PTPRT: variants seen among roughly 807,000 people sequenced by gnomAD.
PTPRT encodes the protein receptor-type tyrosine-protein phosphatase T.
In PTPRT, 56 loss-of-function variants were observed where a neutral mutation model predicts 176.8. The ratio of observed to expected loss-of-function variants is 0.32; its 90% CI spans 0.26 to 0.40. The LOEUF is 0.40. Among genes scored for constraint, PTPRT ranks in the 10% least tolerant of loss-of-function variants. PTPRT has a pLI of 1.00. For missense variants in PTPRT, 1,540 were observed against 1,908.2 expected, an observed-to-expected ratio of 0.81 and a Z score of 3.60; for synonymous variants, 783 against 739.0, an observed-to-expected ratio of 1.06 and a Z score of -0.96.
chr20:42,964,679 GAATT>G (rs1287810172), intron 1 of PTPRT, among the ~76,000 whole-genome samples: 2 of 151,966 alleles, frequency 1.3e-5, no homozygotes, highest in East Asian at 3.9e-4. Context: ...TCCCTACATG[GAATT>G]AATTATTTTT....
chr20:42,240,719 C>CCATG (rs1289491873), intron 14 of PTPRT, among the ~76,000 whole-genome samples: 17 of 26,146 alleles, frequency 6.5e-4, no homozygotes, highest in African/African-American at 3.5e-3. Context: ...TCCATCCATC[C>CCATG]CATCCATCCA....
intron 1 of PTPRT, among the ~76,000 whole-genome samples, chr20:43,165,228 G>A (rs533560006): frequency 1.3e-5 from 2 of 150,310 alleles, no homozygotes; most frequent in African/African-American, 2.5e-5. Flanking sequence ...GCGCAATGTC[G>A]GCTCACTGCA....
intron 6 of PTPRT, among the ~76,000 whole-genome samples, chr20:42,699,977 C>T (rs2075950101): frequency 6.6e-6 from 1 of 152,134 alleles, no homozygotes; most frequent in African/African-American, 2.4e-5. Flanking sequence ...CGCTTTCCTA[C>T]CTACCCATCT....
At chr20:42,832,801 T>TTAA (rs1555923448) in intron 2 of PTPRT, among the ~76,000 whole-genome samples, 1 of 107,340 alleles carries the variant, frequency 9.3e-6, no homozygotes, top group East Asian at 2.8e-4. Flanking sequence ...TAGGATTTGT[T>TTAA]AAAAAAAAAA....
At chr20:42,916,209 G>T (rs1261268169) in intron 1 of PTPRT, among the ~76,000 whole-genome samples, 1 of 143,952 alleles carries the variant, frequency 6.9e-6, no homozygotes, top group Non-Finnish European at 1.5e-5. Context: ...GTGAGAACAT[G>T]CAGTGTTTGG....
Position 43,033,446 on chromosome 20 carries a change from T to A in PTPRT, c.89-147514A>T, listed in dbSNP as rs73907456. Among the ~76,000 whole-genome samples the A allele has an allele frequency of 4.2e-4, 64 of 152,050 alleles. No homozygotes were observed. In the East Asian group the frequency reaches 0.011, roughly 27 times the overall value. ...CACCAGGACCCATAAGTGAAGGCAT[T>A]TGGGAGCTCACACCTTCAGAAGCTG... On this transcript the variant is annotated intron_variant, in intron 1 of 30. Transcript: ENST00000373187.
intron 6 of PTPRT, among the ~76,000 whole-genome samples, chr20:42,736,533 G>C (rs2076542598): frequency 6.6e-6 from 1 of 152,232 alleles, no homozygotes; most frequent in Non-Finnish European, 1.5e-5. Flanking sequence ...TGTCCTCGTG[G>C]AACCCATAAC....
chr20:42,330,024 C>T (rs937196602), intron 11 of PTPRT, among the ~76,000 whole-genome samples: 1 of 152,170 alleles, frequency 6.6e-6, no homozygotes, highest in South Asian at 2.1e-4. Flanking sequence ...GCCTAATACT[C>T]TCTACCCAGC....
intron 23 of PTPRT, among the ~76,000 whole-genome samples, chr20:42,109,038 T>C (rs975634194): frequency 6.6e-6 from 1 of 152,088 alleles, no homozygotes; most frequent in African/African-American, 2.4e-5. Context: ...TGCTATGAGA[T>C]ATAAAGCAAA....
At chr20:42,856,067 G>A (rs1014716033) in intron 2 of PTPRT, among the ~76,000 whole-genome samples, 6 of 152,162 alleles carry the variant, frequency 3.9e-5, no homozygotes, top group Non-Finnish European at 8.8e-5. Flanking sequence ...TTTGAAACAG[G>A]TGAGCAAACT....
intron 7 of PTPRT, among the ~76,000 whole-genome samples, chr20:42,659,805 TA>T (rs1247859779): frequency 2.0e-5 from 3 of 152,120 alleles, no homozygotes; most frequent in South Asian, 4.2e-4. Context: ...AACCTTCAAA[TA>T]AAAAAAATTC....
chr20:42,786,226 T>C (rs1363352865), intron 3 of PTPRT, among the ~76,000 whole-genome samples: 1 of 152,154 alleles, frequency 6.6e-6, no homozygotes, highest in Non-Finnish European at 1.5e-5. Context: ...TCTTGGGAAG[T>C]TCTTTATAGC....
intron 6 of PTPRT, among the ~76,000 whole-genome samples, chr20:42,747,383 T>C (rs1468792584): frequency 1.3e-5 from 2 of 152,192 alleles, no homozygotes; most frequent in Non-Finnish European, 2.9e-5. Context: ...AAATAAGGCT[T>C]ACAAAGCTTC....
At chr20:43,163,575 T>G (rs962405293) in intron 1 of PTPRT, among the ~76,000 whole-genome samples, 2 of 151,968 alleles carry the variant, frequency 1.3e-5, no homozygotes, top group African/African-American at 4.8e-5. Context: ...GAGGCAGAGC[T>G]TGCAGTGAGC....
intron 7 of PTPRT, among the ~76,000 whole-genome samples, chr20:42,635,802 C>G (rs34966782): frequency 6.6e-6 from 1 of 151,934 alleles, no homozygotes; most frequent in African/African-American, 2.4e-5. Context: ...GTTGGTAGAA[C>G]GAGATCCAGA....
intron 6 of PTPRT, among the ~76,000 whole-genome samples, chr20:42,740,514 G>A (rs112475565): frequency 3.7e-4 from 57 of 152,330 alleles, no homozygotes; most frequent in African/African-American, 1.3e-3. Context: ...GTTTTGGCAG[G>A]ACAAGAGCAG....
intron 19 of PTPRT, among the ~76,000 whole-genome samples, chr20:42,121,388 AAC>A (rs1568950143): frequency 1.3e-5 from 2 of 152,168 alleles, no homozygotes; most frequent in Admixed American, 6.5e-5. Context: ...CTTAAGGACA[AAC>A]ACTCCCTACT....
At chr20:42,122,401 TTTGTG>T in intron 19 of PTPRT, among the ~76,000 whole-genome samples, 1 of 152,310 alleles carries the variant, frequency 6.6e-6, no homozygotes, top group South Asian at 2.1e-4. Context: ...TGAGACCTTC[TTTGTG>T]TTAATGTAAT....
intron 16 of PTPRT, among the ~76,000 whole-genome samples, chr20:42,196,806 C>T (rs1026075460): frequency 6.6e-6 from 1 of 152,148 alleles, no homozygotes; most frequent in Non-Finnish European, 1.5e-5. Flanking sequence ...GCTCTGATCC[C>T]TAAGAAAAAC....
Sources: allele counts gnomAD v4.1 joint callset (sites outside exome capture counted in the v4.1 genomes callset), GRCh38; gene constraint gnomAD v4.1.1; transcripts MANE v1.5; gene names NCBI Gene and HGNC (gene_info 2026-07-23, HGNC 2026-07-21).